Variants in PHEX observed in about 807,000 individuals in gnomAD.
PHEX encodes the protein phosphate-regulating neutral endopeptidase PHEX.
A neutral mutation model predicts 68.0 loss-of-function variants in PHEX; 16 were observed. The observed-to-expected ratio is 0.24, with a 90% CI of 0.16 to 0.36. The LOEUF (loss-of-function observed/expected upper bound fraction) is 0.36. Among genes scored for constraint, PHEX ranks in the 10% least tolerant of loss-of-function variants. PHEX has a pLI of 1.00. For missense variants in PHEX, 480 were observed against 575.5 expected (o/e 0.83, Z 1.70); for synonymous variants, 208 against 205.1 (o/e 1.01, Z -0.12).
intron 6 of PHEX, among the ~76,000 whole-genome samples, chrX:22,091,753 C>A (rs980297894): frequency 3.6e-5 from 4 of 112,163 alleles, no homozygotes; most frequent in African/African-American, 1.3e-4. Context: ...CTAATAAAGA[C>A]ATACCTGAGA....
rs766217383 is a variant in PHEX, at chrX:22,093,937, C to T, written c.733-46C>T. ...TCTTCCATGTCTCTCAAACATATTT[C>T]CTAAGAAGCTATTGTCATGGTCACT... On this transcript the variant is annotated intron_variant, in intron 6 of 21. Transcript: ENST00000379374. 6 of 794,633 alleles carry T rather than the reference C, an allele frequency of 7.6e-6. No individual in the cohort carries two copies. In the African/African-American group the frequency reaches 1.2e-4, roughly 16 times the overall value. The allele number at this position is 794,633 out of a possible 1,213,427, so 65.5% of individuals were successfully genotyped here. A position where few individuals can be genotyped will look rare whatever the true frequency, so the allele number is the denominator to read the frequency against.
intron 7 of PHEX, among the ~76,000 whole-genome samples, chrX:22,095,242 T>C (rs779864262): frequency 1.2e-4 from 13 of 112,019 alleles, no homozygotes; most frequent in South Asian, 1.1e-3. Context: ...CTGTGAAGAC[T>C]GCTGCAGATG....
chrX:22,071,948 T>C (rs1019036334), intron 3 of PHEX, among the ~76,000 whole-genome samples: 3 of 95,106 alleles, frequency 3.2e-5, no homozygotes, highest in African/African-American at 1.2e-4. Flanking sequence ...AAATACAGGC[T>C]GGGCGCGGTG....
At chrX:22,241,433 G>A (rs1473801486) in intron 20 of PHEX, among the ~76,000 whole-genome samples, 1 of 111,560 alleles carries the variant, frequency 9.0e-6, no homozygotes, top group African/African-American at 3.3e-5. Context: ...GATCAGAGCA[G>A]AACGGAAGGA....
chrX:22,046,395 CA>C (rs1305476294), intron 2 of PHEX, among the ~76,000 whole-genome samples: 1 of 111,488 alleles, frequency 9.0e-6, no homozygotes, highest in Non-Finnish European at 1.9e-5. Context: ...GGAAGAGCAG[CA>C]AGGTCACTTT....
At chrX:22,065,429 AT>A (rs963757422) in intron 3 of PHEX, among the ~76,000 whole-genome samples, 28 of 107,615 alleles carry the variant, frequency 2.6e-4, no homozygotes, top group Non-Finnish European at 4.6e-4. Flanking sequence ...AGGCTCAAGC[AT>A]TTTTTTTTTC....
At chrX:22,192,158 C>T (rs1477335714) in intron 15 of PHEX, among the ~76,000 whole-genome samples, 2 of 77,761 alleles carry the variant, frequency 2.6e-5, no homozygotes, top group Non-Finnish European at 4.8e-5. Flanking sequence ...ATGGCATGCC[C>T]CAAGGCTCAG....
chrX:22,224,888 T>A (rs138167465), intron 18 of PHEX, among the ~76,000 whole-genome samples: 1,454 of 44,107 alleles, frequency 0.033, 27 homozygotes, highest in African/African-American at 0.11. Context: ...CAAGGTATAT[T>A]AGTTTTCTGT....
intron 13 of PHEX, among the ~76,000 whole-genome samples, chrX:22,178,057 G>C (rs1466033719): frequency 8.9e-6 from 1 of 112,137 alleles, no homozygotes; most frequent in Non-Finnish European, 1.9e-5. Flanking sequence ...CTGTGATCCA[G>C]AAATGACTAT....
chrX:22,146,937 C>A (rs1486439205), intron 12 of PHEX, among the ~76,000 whole-genome samples: 1 of 111,662 alleles, frequency 9.0e-6, no homozygotes, highest in Non-Finnish European at 1.9e-5. Flanking sequence ...ATAGTTTAAA[C>A]ATGTACTGTA....
At position 22,137,086 on chromosome X, in the gene PHEX, G is replaced by T. The variant is rs146770358; in HGVS notation, c.1404+3462G>T. Reference sequence around the variant, plus strand: ...TCAGGTGATAAAATAATGATTTTAGGGGTGTCTTCTGGAGGATTTGCCCTT... The same window carrying T: ...TCAGGTGATAAAATAATGATTTTAGTGGTGTCTTCTGGAGGATTTGCCCTT... On this transcript the variant is annotated intron_variant, in intron 12 of 21. Transcript: ENST00000379374. 3.6e-5 allele frequency among the ~76,000 whole-genome samples: 4 copies of T among 111,560 alleles called. No individual in the cohort carries two copies. In the East Asian group the frequency reaches 1.1e-3, roughly 32 times the overall value.
At chrX:22,179,648 A>G (rs1484582117) in intron 14 of PHEX, among the ~76,000 whole-genome samples, 1 of 111,777 alleles carries the variant, frequency 8.9e-6, no homozygotes, top group Non-Finnish European at 1.9e-5. Context: ...TGTGAATGCC[A>G]TTATTTCATT....
chrX:22,062,233 A>C (rs1928401553), intron 3 of PHEX, among the ~76,000 whole-genome samples: 1 of 111,637 alleles, frequency 9.0e-6, no homozygotes, highest in South Asian at 3.8e-4. Context: ...AGACAGAGCC[A>C]AACCATAACA....
At chrX:22,244,132 A>G in intron 20 of PHEX, among the ~76,000 whole-genome samples, 2 of 111,795 alleles carry the variant, frequency 1.8e-5, no homozygotes, top group East Asian at 5.6e-4. Context: ...TGTTCTTTGC[A>G]GGGACATGGA....
intron 9 of PHEX, among the ~76,000 whole-genome samples, chrX:22,102,041 C>T (rs1377216550): frequency 9.0e-6 from 1 of 111,590 alleles, no homozygotes; most frequent in Non-Finnish European, 1.9e-5. Flanking sequence ...GGGTATCTAT[C>T]CCCTCAAGCA....
At chrX:22,114,417 T>C (rs377707609) in intron 10 of PHEX, 41 bp from the exon 11 acceptor site, 1 of 1,185,942 alleles carries the variant, frequency 8.4e-7, no homozygotes, top group Non-Finnish European at 1.1e-6. Context: ...CCATGGGTTT[T>C]ATCCAAATGA....
At chrX:22,162,141 A>G (rs748072280) in intron 12 of PHEX, among the ~76,000 whole-genome samples, 7 of 112,001 alleles carry the variant, frequency 6.2e-5, no homozygotes, top group Non-Finnish European at 1.3e-4. Flanking sequence ...CTGTTTTCAG[A>G]GGTGTGCCAA....
chrX:22,223,755 G>A (rs910407402), intron 18 of PHEX, among the ~76,000 whole-genome samples: 14 of 112,504 alleles, frequency 1.2e-4, no homozygotes, highest in African/African-American at 3.9e-4. Flanking sequence ...AAACACACAC[G>A]AAACCCTCAG....
intron 18 of PHEX, among the ~76,000 whole-genome samples, chrX:22,224,363 T>C (rs1935372717): frequency 8.9e-6 from 1 of 111,991 alleles, no homozygotes; most frequent in African/African-American, 3.3e-5. Context: ...TCAGGAAATG[T>C]TTAGCCTCAC....
Sources: gnomAD v4.1 joint callset for allele counts (sites outside exome capture counted in the v4.1 genomes callset) on GRCh38, gnomAD v4.1.1 for gene constraint, MANE v1.5 for transcripts, NCBI Gene and HGNC (gene_info 2026-07-23, HGNC 2026-07-21) for gene names.